Variants in CD302 observed in about 807,000 individuals in gnomAD.
CD302 encodes CD302 molecule, also known as CD302 antigen.
A neutral mutation model predicts 26.5 loss-of-function variants in CD302; 23 were observed. The ratio of observed to expected loss-of-function variants is 0.87; its 90% confidence interval spans 0.62 to 1.23. The LOEUF is 1.23. Among genes scored for constraint, CD302 ranks in the 50% most tolerant of loss-of-function variants. The pLI, the probability that CD302 is intolerant of heterozygous loss-of-function variation, is 0.00. For missense variants in CD302, 290 were observed against 275.5 expected (o/e 1.05, Z -0.37); for synonymous variants, 90 against 99.4 (o/e 0.91, Z 0.56).
Position 159,780,785 on chromosome 2 carries a change from A to C in CD302, c.295+97T>G. 6.3e-6 allele frequency: 7 copies of C among 1,118,630 alleles called. No individual in the cohort carries two copies. The South Asian group carries it at 9.0e-5, about 14-fold the overall frequency. The allele number at this position is 1,118,630 out of a possible 1,614,324, so 69.3% of individuals were successfully genotyped here. ...AAATTTAACACCTGGAGGCCACAGG[A>C]ATCATCAACTTGAACCAGAGAATTG... On this transcript the variant is annotated intron_variant, in intron 3 of 5. Coordinates refer to ENST00000259053, the MANE Select transcript of CD302 (RefSeq NM_014880.5).
At chr2:159,789,387 T>C (rs1169183179) in intron 1 of CD302, among the ~76,000 whole-genome samples, 1 of 152,196 alleles carries the variant, frequency 6.6e-6, no homozygotes, top group Non-Finnish European at 1.5e-5. Flanking sequence ...AACTTGATTA[T>C]ATTTTTAAAA....
chr2:159,784,876 T>C (rs1262554462), intron 1 of CD302, among the ~76,000 whole-genome samples: 2 of 152,052 alleles, frequency 1.3e-5, no homozygotes, highest in Non-Finnish European at 2.9e-5. Flanking sequence ...CGCAGTCTTA[T>C]AACTTCTGGA....
At position 159,780,185 on chromosome 2, in the gene CD302, A is replaced by G; in HGVS notation, c.296-7T>C. ...AACCACTTGAAACTCGCATCTGTCA[A>G]TTAAGGAATATTTTCAACATTATGA... is the stretch of plus-strand genomic sequence containing the variant. On this transcript the variant is annotated splice_region_variant and splice_polypyrimidine_tract_variant and intron_variant, in intron 3 of 5. Coordinates refer to ENST00000259053, the MANE Select transcript of CD302 (RefSeq NM_014880.5). The G allele has an allele frequency of 2.5e-6, 4 of 1,612,940 alleles. No homozygotes were observed. In the South Asian group the frequency reaches 3.3e-5, roughly 13 times the overall value.
chr2:159,779,943 T>A (rs1484983445), intron 4 of CD302, 62 bp downstream of exon 4: 1 of 1,540,794 alleles, frequency 6.5e-7, no homozygotes, highest in Admixed American at 2.0e-5. Context: ...AAAATTATTT[T>A]AAAACCAGTC....
At position 159,770,993 on chromosome 2, in the gene CD302, T is replaced by G. The variant is rs1458986915; in HGVS notation, c.*858A>C. ...TGATTTTCACCTTTTTCTTAAAATG[T>G]ACAATAAATGCACTGAAAACTTTGA... On this transcript the variant is annotated 3_prime_UTR_variant, in exon 6 of 6. Coordinates refer to ENST00000259053, the MANE Select transcript of CD302 (RefSeq NM_014880.5). The G allele has an allele frequency of 6.6e-6, 1 of 152,230 alleles. No individual in the cohort carries two copies. The highest frequency in any genetic ancestry group is 1.5e-5 in the Non-Finnish European group (1 of 68,022). The allele number at this position is 152,230 out of a possible 1,614,324, so 9.4% of individuals were successfully genotyped here. A position where few individuals can be genotyped will look rare whatever the true frequency, so the allele number is the denominator to read the frequency against.
intron 1 of CD302, among the ~76,000 whole-genome samples, chr2:159,794,860 T>C (rs562234684): frequency 2.0e-5 from 3 of 151,810 alleles, no homozygotes; most frequent in Admixed American, 6.6e-5. Context: ...AAATTTATTT[T>C]AAAATACTCT....
At chr2:159,780,266 CT>C (rs1560044409) in intron 3 of CD302, 88 bp from the exon 4 acceptor site, 1 of 1,423,902 alleles carries the variant, frequency 7.0e-7, no homozygotes, top group African/African-American at 1.4e-5. Context: ...TGGAAAGTTA[CT>C]AAGGTATGTC....
intron 5 of CD302, among the ~76,000 whole-genome samples, chr2:159,774,230 A>G (rs189956229): frequency 6.6e-6 from 1 of 152,260 alleles, no homozygotes; most frequent in Admixed American, 6.5e-5. Context: ...TTTTATGTAA[A>G]TCCATAGATA....
At chr2:159,786,522 C>T (rs1323253110) in intron 1 of CD302, among the ~76,000 whole-genome samples, 1 of 151,938 alleles carries the variant, frequency 6.6e-6, no homozygotes, top group Non-Finnish European at 1.5e-5. Context: ...TTAGTAGAGA[C>T]AGGGTTTCAC....
At chr2:159,796,905 T>G (rs1238940758) in intron 1 of CD302, among the ~76,000 whole-genome samples, 1 of 152,162 alleles carries the variant, frequency 6.6e-6, no homozygotes, top group Admixed American at 6.6e-5. Flanking sequence ...AGAGTTGAGA[T>G]GTTACTGGCT....
At chr2:159,788,879 A>C (rs1051731925) in intron 1 of CD302, among the ~76,000 whole-genome samples, 1 of 152,090 alleles carries the variant, frequency 6.6e-6, no homozygotes, top group Non-Finnish European at 1.5e-5. Flanking sequence ...CCAAAATTAC[A>C]TCTATGTTAG....
chr2:159,771,916 G>C lies in CD302; in HGVS notation c.634C>G (p.Pro212Ala), dbSNP rs144807087. The change falls in exon 6 of 6, where the codon CCT becomes GCT. Residue 212 changes from proline (P) to alanine (A), a missense_variant. Pro to Ala is a conservative substitution (Grantham distance 27). Transcript: ENST00000259053. ...TTVFSTAPQS[P>A]YNEDCVLVVG... is the part of the protein sequence containing the mutation. ...ACCAAAACACAGTCTTCATTATAAG[G>C]TGATTGGGGTGCGGTTGAAAAAACT... 9.2e-4 allele frequency: 1,484 copies of C among 1,613,940 alleles called. 11 individuals are homozygous for C. The African/African-American group carries it at 0.018, about 19-fold the overall frequency.
intron 5 of CD302, among the ~76,000 whole-genome samples, chr2:159,775,566 C>G (rs1270495651): frequency 6.6e-6 from 1 of 152,220 alleles, no homozygotes; most frequent in Non-Finnish European, 1.5e-5. Flanking sequence ...ACTACTGTTG[C>G]TTCAGCTATT....
At chr2:159,773,653 T>C (rs1708223060) in intron 5 of CD302, among the ~76,000 whole-genome samples, 1 of 152,220 alleles carries the variant, frequency 6.6e-6, no homozygotes, top group Non-Finnish European at 1.5e-5. Context: ...CCAGGGGTTT[T>C]AGTTAGCTAG....
Position 159,782,426 on chromosome 2 carries a change from A to AG in CD302, c.178+932_178+933insC, listed in dbSNP as rs1451386335. On this transcript the variant is annotated intron_variant, in intron 2 of 5. Transcript: ENST00000259053. Reference sequence around the variant, plus strand: ...AGACTCCATCTCACAAAAAAAAAAAAAAAAAAAAAAAAAGACATTTTTTTG... The same window carrying AG: ...AGACTCCATCTCACAAAAAAAAAAAAGAAAAAAAAAAAAAGACATTTTTTTG... Among the ~76,000 whole-genome samples the AG allele has an allele frequency of 2.0e-5, 3 of 150,750 alleles. No homozygotes were observed. In the East Asian group the frequency reaches 5.8e-4, roughly 29 times the overall value.
At position 159,771,108 on chromosome 2, in the gene CD302, TGAG is replaced by T. The variant is rs1225063251; in HGVS notation, c.*740_*742del. ...ATTGAAGGAAAAATTTATAAATGCT[TGAG>T]GAGAATGAGATACATCTTGTATAGG... On this transcript the variant is annotated 3_prime_UTR_variant, in exon 6 of 6. Coordinates refer to ENST00000259053, the MANE Select transcript of CD302 (RefSeq NM_014880.5). 5.3e-5 allele frequency: 8 copies of T among 152,246 alleles called. No individual in the cohort carries two copies. Among genetic ancestry groups the T allele is most frequent in the African/African-American group, 9.6e-5 (4 of 41,548 alleles). 9.4% of individuals were successfully genotyped at this position (152,246 alleles called of 1,614,324 possible).
chr2:159,796,942 G>A lies in CD302; in HGVS notation c.67+1190C>T, dbSNP rs576152576. On this transcript the variant is annotated intron_variant, in intron 1 of 5. Coordinates refer to ENST00000259053, the MANE Select transcript of CD302 (RefSeq NM_014880.5). The stretch of plus-strand genomic sequence containing the variant: ...GCAAAATGAGGGTGTGCAGAAGGAG[G>A]GTTCAGAGACAGCCCAGCTTTGTCT... Among the ~76,000 whole-genome samples the A allele has an allele frequency of 7.9e-5, 12 of 152,230 alleles. No individual in the cohort carries two copies. The South Asian group carries it at 1.9e-3, about 24-fold the overall frequency.
rs911017064 is a variant in CD302, at chr2:159,783,315, C to G, written c.178+44G>C. On this transcript the variant is annotated intron_variant, in intron 2 of 5. Coordinates refer to ENST00000259053, the MANE Select transcript of CD302 (RefSeq NM_014880.5). The stretch of plus-strand genomic sequence containing the variant: ...TTTAAAGAAATTAATGAACACTGTT[C>G]ACTAATTTGTGAAAAAACAAACAGA... The G allele has an allele frequency of 2.7e-6, 4 of 1,464,376 alleles. No homozygotes were observed. The African/African-American group carries it at 5.7e-5, about 21-fold the overall frequency. The allele number at this position is 1,464,376 out of a possible 1,614,324, so 90.7% of individuals were successfully genotyped here. A position where few individuals can be genotyped will look rare whatever the true frequency, so the allele number is the denominator to read the frequency against.
chr2:159,792,637 C>T (rs947263454), intron 1 of CD302, among the ~76,000 whole-genome samples: 6 of 151,968 alleles, frequency 3.9e-5, no homozygotes, highest in African/African-American at 1.5e-4. Context: ...GAAATGGTCC[C>T]GAACTTAATA....
Sources: gnomAD v4.1 joint callset for allele counts (sites outside exome capture counted in the v4.1 genomes callset) on GRCh38, gnomAD v4.1.1 for gene constraint, MANE v1.5 for transcripts, NCBI Gene and HGNC (gene_info 2026-07-23, HGNC 2026-07-21) for gene names.